DLGAP4: variants seen among roughly 807,000 people sequenced by gnomAD.
DLGAP4 encodes the protein disks large-associated protein 4.
Under a neutral mutation model 86.9 loss-of-function variants are expected in DLGAP4, and 18 were observed. That is an observed-to-expected ratio of 0.21 (90% CI 0.14 to 0.31). The LOEUF (loss-of-function observed/expected upper bound fraction) is 0.31. Among genes scored for constraint, DLGAP4 ranks in the 10% least tolerant of loss-of-function variants. The pLI, the probability that DLGAP4 is intolerant of heterozygous loss-of-function variation, is 1.00. For missense variants in DLGAP4, 1,085 were observed against 1,362.6 expected (o/e 0.80, Z 3.21); for synonymous variants, 548 against 574.3 (o/e 0.95, Z 0.65).
At chr20:36,378,330 C>T (rs1439780187) in intron 2 of DLGAP4, among the ~76,000 whole-genome samples, 1 of 152,164 alleles carries the variant, frequency 6.6e-6, no homozygotes, top group Non-Finnish European at 1.5e-5. Context: ...TGGATGGTGC[C>T]TGGCACATGC....
chr20:36,409,389 T>G (rs1338394200), intron 2 of DLGAP4, among the ~76,000 whole-genome samples: 1 of 114,562 alleles, frequency 8.7e-6, no homozygotes, highest in Non-Finnish European at 1.8e-5. Context: ...AAAAAAAATT[T>G]TTTTAAGACT....
chr20:36,333,742 C>A (rs1031932750), intron 1 of DLGAP4, among the ~76,000 whole-genome samples: 3 of 152,236 alleles, frequency 2.0e-5, no homozygotes, highest in African/African-American at 4.8e-5. Flanking sequence ...GGCCTCGAAG[C>A]CCTTCAAGGG....
chr20:36,439,671 G>T (rs2147560408), intron 4 of DLGAP4, 83 bp from the exon 5 acceptor site: 1 of 1,195,448 alleles, frequency 8.4e-7, no homozygotes, highest in Non-Finnish European at 1.2e-6. Flanking sequence ...TGGACCACCT[G>T]TGCATCACAG....
intron 7 of DLGAP4, among the ~76,000 whole-genome samples, chr20:36,455,240 T>C (rs1014845184): frequency 1.3e-5 from 2 of 150,724 alleles, no homozygotes; most frequent in African/African-American, 4.9e-5. Context: ...ATCTTTGCCT[T>C]CTGTCTGTCT....
intron 12 of DLGAP4, 180 bp downstream of exon 12, chr20:36,526,186 C>T (rs962236776): frequency 6.9e-6 from 6 of 864,328 alleles, no homozygotes; most frequent in African/African-American, 1.7e-5. Context: ...CCGCTTGCTC[C>T]GTGTAGTTGA....
At chr20:36,439,683 T>C in intron 4 of DLGAP4, 71 bp from the exon 5 acceptor site, 3 of 1,344,412 alleles carry the variant, frequency 2.2e-6, no homozygotes, top group Non-Finnish European at 3.1e-6. Flanking sequence ...GCATCACAGA[T>C]GGTCAAGGCC....
Position 36,437,913 on chromosome 20 carries a change from T to G in DLGAP4, c.1241+1563T>G, listed in dbSNP as rs189354701. ...TGAACCTTAGTTTCTCCATCTTTTT[T>G]GTGGGGATGTGGGGAACAGGGTCTC... is the stretch of plus-strand genomic sequence containing the variant. On this transcript the variant is annotated intron_variant, in intron 4 of 12. Coordinates refer to ENST00000339266, the MANE Select transcript of DLGAP4 (RefSeq NM_001365621.2). Among the ~76,000 whole-genome samples, 555 of 152,186 alleles carry G rather than the reference T, an allele frequency of 3.6e-3. 5 individuals are homozygous for G. The highest frequency in any genetic ancestry group is 0.01 in the South Asian group (49 of 4,810).
chr20:36,526,808 T>C lies in DLGAP4; in HGVS notation c.2761-5T>C. ...TTTTGTTCTCTCCTCACTGTCTCAC[T>C]AAAGGAAGAGAAGAAACCACCCCCT... On this transcript the variant is annotated splice_region_variant and splice_polypyrimidine_tract_variant and intron_variant, in intron 12 of 12. Coordinates refer to ENST00000339266, the MANE Select transcript of DLGAP4 (RefSeq NM_001365621.2). 6.3e-7 allele frequency: 1 copy of C among 1,595,362 alleles called. No individual in the cohort carries two copies. The highest frequency in any genetic ancestry group is 8.5e-7 in the Non-Finnish European group (1 of 1,173,132).
chr20:36,448,792 G>A (rs1351852436), intron 7 of DLGAP4, among the ~76,000 whole-genome samples: 2 of 152,108 alleles, frequency 1.3e-5, no homozygotes, highest in African/African-American at 4.8e-5. Flanking sequence ...AAATTACCCG[G>A]GTGTGGTGGT....
At chr20:36,381,912 C>T (rs1384134919) in intron 2 of DLGAP4, among the ~76,000 whole-genome samples, 1 of 152,164 alleles carries the variant, frequency 6.6e-6, no homozygotes, top group African/African-American at 2.4e-5. Context: ...CATCTGATCC[C>T]CTTGGAATCT....
chr20:36,435,969 G>A (rs2033262485), intron 3 of DLGAP4, 140 bp from the exon 4 acceptor site: 2 of 1,293,052 alleles, frequency 1.5e-6, no homozygotes, highest in Non-Finnish European at 2.0e-6. Context: ...CTGCTGCCCC[G>A]AGGTTTCAAA....
intron 1 of DLGAP4, among the ~76,000 whole-genome samples, chr20:36,320,842 C>T (rs1307207684): frequency 2.6e-5 from 4 of 152,200 alleles, no homozygotes; most frequent in African/African-American, 9.7e-5. Flanking sequence ...CTCTCTAACT[C>T]TTTACCTCCA....
intron 1 of DLGAP4, among the ~76,000 whole-genome samples, chr20:36,324,353 G>T (rs918502460): frequency 3.3e-5 from 5 of 152,094 alleles, no homozygotes; most frequent in African/African-American, 1.2e-4. Context: ...CTTGAACCCG[G>T]GAGGCAGAGG....
chr20:36,442,418 T>C (rs2033473223), intron 5 of DLGAP4, among the ~76,000 whole-genome samples: 1 of 152,116 alleles, frequency 6.6e-6, no homozygotes, highest in Non-Finnish European at 1.5e-5. Context: ...GGTCTCGAAT[T>C]CCCAACCTCA....
chr20:36,403,137 T>A (rs1435443143), intron 2 of DLGAP4, among the ~76,000 whole-genome samples: 4 of 152,204 alleles, frequency 2.6e-5, no homozygotes, highest in African/African-American at 7.2e-5. Context: ...GGCTGGGTAA[T>A]GTATAATGAA....
chr20:36,401,906 T>C (rs1404071885), intron 2 of DLGAP4, among the ~76,000 whole-genome samples: 1 of 152,138 alleles, frequency 6.6e-6, no homozygotes. Context: ...GTGAACGCCC[T>C]GAGGGAGGAA....
In DLGAP4 at chr20:36,528,484, G is replaced by A. The variant is rs751610715; in HGVS notation, c.*1453G>A. 10 of 143,462 alleles carry A rather than the reference G, an allele frequency of 7.0e-5. No homozygotes were observed. Among genetic ancestry groups the A allele is most frequent in the African/African-American group, 1.9e-4 (7 of 37,756 alleles). The allele number at this position is 143,462 out of a possible 1,614,324, so 8.9% of individuals were successfully genotyped here. A position where few individuals can be genotyped will look rare whatever the true frequency, so the allele number is the denominator to read the frequency against. ...CCCAGGTGAACCAAGGGTCTGCTCC[G>A]GGGCCCATTTCCAGCTTGGCCGCCG... On this transcript the variant is annotated 3_prime_UTR_variant, in exon 13 of 13. Transcript: ENST00000339266.
At chr20:36,455,193 C>T (rs187739422) in intron 7 of DLGAP4, among the ~76,000 whole-genome samples, 127 of 152,036 alleles carry the variant, frequency 8.4e-4, no homozygotes, top group Middle Eastern at 6.8e-3. Flanking sequence ...TTTCTTCCAG[C>T]TTCCCCTCCC....
At chr20:36,383,983 CAAAA>C (rs970619133) in intron 2 of DLGAP4, among the ~76,000 whole-genome samples, 2 of 65,000 alleles carry the variant, frequency 3.1e-5, no homozygotes, top group South Asian at 5.6e-4. Context: ...GACTCCGTCT[CAAAA>C]AAAAAAAAAA....
Sources: gnomAD v4.1 joint callset for allele counts (sites outside exome capture counted in the v4.1 genomes callset) on GRCh38, gnomAD v4.1.1 for gene constraint, MANE v1.5 for transcripts, NCBI Gene and HGNC (gene_info 2026-07-23, HGNC 2026-07-21) for gene names.